MMD2: variants seen among roughly 807,000 people sequenced by gnomAD.
MMD2 encodes monocyte to macrophage differentiation factor 2.
A neutral mutation model predicts 33.5 loss-of-function variants in MMD2; 30 were observed. That is an observed-to-expected ratio of 0.90 (90% confidence interval 0.67 to 1.22). The LOEUF (loss-of-function observed/expected upper bound fraction) is 1.22, where lower values mean the gene tolerates loss of function less well. MMD2 is among the 50% of genes most tolerant of loss of function. The probability of loss-of-function intolerance (pLI) is 0.00; values close to 1 mark genes in which losing one functional copy is unlikely to be tolerated. For missense variants in MMD2, 364 were observed against 325.4 expected, an observed-to-expected ratio of 1.12 and a Z score of -0.91; for synonymous variants, 129 against 123.0, an observed-to-expected ratio of 1.05 and a Z score of -0.32.
intron 5 of MMD2, chr7:4,910,170 A>C: frequency 1.0e-6 from 1 of 953,842 alleles, no homozygotes; most frequent in Non-Finnish European, 1.6e-6. Flanking sequence ...CCTGAGACTC[A>C]CTTTCCACAC....
At chr7:4,894,854 G>A in the MMD2 span, among the ~76,000 whole-genome samples, 1 of 152,270 alleles carries the variant, frequency 6.6e-6, no homozygotes, top group South Asian at 2.1e-4. This position sits in a 1 kb window ranked among gnomAD's most constrained non-coding sequence, Gnocchi z 4.3. Flanking sequence ...ACCCAAACAA[G>A]TTGAAGGGTA....
chr7:4,955,885 T>A (rs890983835), intron 1 of MMD2, among the ~76,000 whole-genome samples: 1 of 152,128 alleles, frequency 6.6e-6, no homozygotes, highest in Admixed American at 6.6e-5. Context: ...AAACCCTACC[T>A]CTACTAAAAA....
chr7:4,909,416 G>A (rs941044713), intron 6 of MMD2, among the ~76,000 whole-genome samples: 7 of 145,068 alleles, frequency 4.8e-5, no homozygotes, highest in Non-Finnish European at 7.4e-5. Flanking sequence ...GGCAGCACAG[G>A]GAGATCCTGC....
chr7:4,952,289 C>T (rs867314305), intron 1 of MMD2, among the ~76,000 whole-genome samples: 3 of 152,226 alleles, frequency 2.0e-5, no homozygotes, highest in Non-Finnish European at 4.4e-5. Flanking sequence ...TGGGACAAGC[C>T]TGGAAGGGTG....
intron 2 of MMD2, among the ~76,000 whole-genome samples, chr7:4,922,319 C>T (rs956088306): frequency 1.3e-5 from 2 of 152,000 alleles, no homozygotes; most frequent in African/African-American, 4.8e-5. Flanking sequence ...CCTGTAATCC[C>T]AGCACTTTGG....
At chr7:4,922,227 G>GA (rs1200111280) in intron 2 of MMD2, among the ~76,000 whole-genome samples, 1 of 151,412 alleles carries the variant, frequency 6.6e-6, no homozygotes, top group Non-Finnish European at 1.5e-5. Context: ...TTCCATCTCA[G>GA]AAAAAAAGAA....
the MMD2 span, among the ~76,000 whole-genome samples, chr7:4,900,683 G>A: frequency 6.1e-3 from 934 of 152,062 alleles, 10 homozygotes; most frequent in African/African-American, 0.021. Context: ...CTCATGTAAA[G>A]TGCTCATGGC....
At chr7:4,958,810 G>A (rs916228829) in intron 1 of MMD2, among the ~76,000 whole-genome samples, 161 bp downstream of exon 1, 1 of 152,154 alleles carries the variant, frequency 6.6e-6, no homozygotes, top group African/African-American at 2.4e-5. Context: ...GCGAGAAGAC[G>A]AGGCTGCCTG....
At chr7:4,898,799 T>G in the MMD2 span, among the ~76,000 whole-genome samples, 1 of 152,226 alleles carries the variant, frequency 6.6e-6, no homozygotes, top group East Asian at 1.9e-4. Flanking sequence ...CTTGGGAGGC[T>G]GAGACAGGAT....
intron 1 of MMD2, among the ~76,000 whole-genome samples, chr7:4,949,158 C>T (rs549723813): frequency 2.6e-5 from 4 of 151,496 alleles, no homozygotes; most frequent in Non-Finnish European, 1.5e-5. Flanking sequence ...TGCAGTGAGC[C>T]GAGATCACAC....
intron 1 of MMD2, among the ~76,000 whole-genome samples, chr7:4,934,924 G>A (rs947713450): frequency 3.9e-5 from 6 of 152,170 alleles, no homozygotes; most frequent in African/African-American, 1.4e-4. Context: ...GGTGGCTCAC[G>A]CCTGTGATCC....
chr7:4,897,795 T>C, the MMD2 span, among the ~76,000 whole-genome samples: 1 of 152,194 alleles, frequency 6.6e-6, no homozygotes, highest in African/African-American at 2.4e-5. Context: ...TGGAGTACAA[T>C]GGTGTGATCT....
rs1052781772 is a variant in MMD2, at chr7:4,956,872, C to G, written c.47+2099G>C. Among the ~76,000 whole-genome samples the G allele has an allele frequency of 5.1e-4, 77 of 152,178 alleles. 1 individual carries two copies. The highest frequency in any genetic ancestry group is 1.8e-3 in the African/African-American group (73 of 41,550). ...TTCCCGTGAACAGTCCACCAACTTA[C>G]GTCTCACAAAATCCCCTGGAGCCAG... On this transcript the variant is annotated intron_variant, in intron 1 of 6. Coordinates refer to ENST00000401401, the MANE Select transcript of MMD2 (RefSeq NM_198403.4).
chr7:4,911,572 G>T (rs1010049041), intron 4 of MMD2, among the ~76,000 whole-genome samples: 2 of 151,924 alleles, frequency 1.3e-5, no homozygotes, highest in African/African-American at 2.4e-5. Context: ...CGCAGTTCCG[G>T]CAGCTAACCA....
downstream of MMD2, among the ~76,000 whole-genome samples, chr7:4,902,633 G>A (rs1170082021): frequency 2.0e-5 from 3 of 151,924 alleles, no homozygotes; most frequent in East Asian, 1.9e-4. Context: ...TGAATACCAC[G>A]CCTGTGACAT....
rs1198788370 is a variant in MMD2 at position 4,946,978 on chromosome 7, T to C, written c.47+11993A>G. 6.6e-6 allele frequency among the ~76,000 whole-genome samples: 1 copy of C among 152,048 alleles called. No homozygotes were observed. Among genetic ancestry groups the C allele is most frequent in the Non-Finnish European group, 1.5e-5 (1 of 68,018 alleles). Reference sequence around the variant, plus strand: ...ATCCCAGCACTTTGGGAGACCGAGATGGGCCGATCACCTGAGGTCAGGAGT... The same window carrying C: ...ATCCCAGCACTTTGGGAGACCGAGACGGGCCGATCACCTGAGGTCAGGAGT... On this transcript the variant is annotated intron_variant, in intron 1 of 6. Coordinates refer to ENST00000401401, the MANE Select transcript of MMD2 (RefSeq NM_198403.4). This position sits in a 1 kb window ranked among gnomAD's most constrained non-coding sequence, Gnocchi z 5.0.
intron 1 of MMD2, among the ~76,000 whole-genome samples, chr7:4,954,447 T>C (rs1012790162): frequency 6.6e-6 from 1 of 152,080 alleles, no homozygotes; most frequent in Admixed American, 6.6e-5. Flanking sequence ...AGACGGGGTC[T>C]CCCTCTGTCA....
intron 5 of MMD2, chr7:4,910,166 A>G: frequency 9.9e-7 from 1 of 1,014,960 alleles, no homozygotes; most frequent in Non-Finnish European, 1.4e-6. Flanking sequence ...CCTCCCTGAG[A>G]CTCACTTTCC....
intron 1 of MMD2, among the ~76,000 whole-genome samples, chr7:4,947,123 G>A (rs1786107548): frequency 6.6e-6 from 1 of 152,016 alleles, no homozygotes; most frequent in South Asian, 2.1e-4. Flanking sequence ...CAGGAGAATC[G>A]CTTGAACTCG....
Sources: gnomAD v4.1 joint callset for allele counts (sites outside exome capture counted in the v4.1 genomes callset) on GRCh38, gnomAD v4.1.1 for gene constraint, Gnocchi (gnomAD v3.1) non-coding constraint, MANE v1.5 for transcripts, NCBI Gene and HGNC (gene_info 2026-07-23, HGNC 2026-07-21) for gene names.